Variants in KIAA1217 observed in about 807,000 individuals in gnomAD.
The protein encoded by KIAA1217 is KIAA1217.
Under a neutral mutation model 163.9 loss-of-function variants are expected in KIAA1217, and 88 were observed. The observed-to-expected ratio is 0.54, with a 90% CI of 0.45 to 0.64. The LOEUF (loss-of-function observed/expected upper bound fraction) is 0.64, where lower values mean the gene tolerates loss of function less well. Among genes scored for constraint, KIAA1217 ranks in the 30% least tolerant of loss-of-function variants. The pLI is 0.00. For synonymous variants in KIAA1217, 903 were observed against 923.1 expected (o/e 0.98, Z 0.39); for missense variants, 2,372 against 2,475.0 (o/e 0.96, Z 0.88).
chr10:24,442,076 A>G (rs1417298615), intron 5 of KIAA1217, among the ~76,000 whole-genome samples: 2 of 151,852 alleles, frequency 1.3e-5, no homozygotes, highest in African/African-American at 4.8e-5. Context: ...TTTCTCTTGC[A>G]TGTCTTTGAT....
chr10:24,179,049 G>T (rs201729396), intron 2 of KIAA1217, among the ~76,000 whole-genome samples: 1 of 152,126 alleles, frequency 6.6e-6, no homozygotes, highest in Non-Finnish European at 1.5e-5. Flanking sequence ...TTAAACTGAC[G>T]AAGGATAATT....
chr10:24,093,542 C>T (rs2062023157), intron 2 of KIAA1217, among the ~76,000 whole-genome samples: 1 of 151,564 alleles, frequency 6.6e-6, no homozygotes, highest in Admixed American at 6.6e-5. Context: ...AGACTGCTGC[C>T]ATCCTCTCAC....
intron 1 of KIAA1217, among the ~76,000 whole-genome samples, chr10:23,831,942 T>G (rs1172935126): frequency 6.6e-6 from 1 of 152,172 alleles, no homozygotes; most frequent in Non-Finnish European, 1.5e-5. Flanking sequence ...TCTACCCTCA[T>G]GCACCACTCA....
chr10:24,048,856 C>G (rs1849262776), intron 2 of KIAA1217, among the ~76,000 whole-genome samples: 2 of 151,700 alleles, frequency 1.3e-5, no homozygotes, highest in South Asian at 4.2e-4. Context: ...CATGGTGAAA[C>G]CCCATCTCTA....
chr10:23,943,130 T>TA (rs1214235312), intron 1 of KIAA1217, among the ~76,000 whole-genome samples: 1 of 150,910 alleles, frequency 6.6e-6, no homozygotes, highest in South Asian at 2.1e-4. Context: ...TCTCAAAATT[T>TA]AAAAAAAAGA....
At chr10:23,887,075 C>A (rs1298008940) in intron 1 of KIAA1217, among the ~76,000 whole-genome samples, 9 of 151,726 alleles carry the variant, frequency 5.9e-5, no homozygotes, top group Non-Finnish European at 1.2e-4. Context: ...GTCAGGAATC[C>A]TAGATTTTAG....
At chr10:24,144,758 T>C (rs181931256) in intron 2 of KIAA1217, among the ~76,000 whole-genome samples, 380 of 152,326 alleles carry the variant, frequency 2.5e-3, no homozygotes, top group African/African-American at 8.6e-3. Flanking sequence ...CCTATGCTTC[T>C]GCTATTTTTA....
intron 2 of KIAA1217, among the ~76,000 whole-genome samples, chr10:24,097,573 C>CGAAAA (rs917022776): frequency 7.3e-5 from 11 of 150,520 alleles, no homozygotes; most frequent in African/African-American, 9.8e-5. Context: ...GAGAGGAAGG[C>CGAAAA]GAAAAGAAAA....
At chr10:24,215,782 G>A (rs982511797) in intron 1 of KIAA1217, among the ~76,000 whole-genome samples, 1 of 152,186 alleles carries the variant, frequency 6.6e-6, no homozygotes, top group Non-Finnish European at 1.5e-5. Flanking sequence ...GGAAAGTGGC[G>A]TTAGGTGGCT....
intron 2 of KIAA1217, among the ~76,000 whole-genome samples, chr10:24,106,110 G>C (rs2062617380): frequency 3.9e-5 from 6 of 152,316 alleles, no homozygotes; most frequent in Admixed American, 3.3e-4. Context: ...TGGTGGCAGT[G>C]TATGTGATAT....
intron 3 of KIAA1217, among the ~76,000 whole-genome samples, chr10:24,390,943 C>T (rs545327796): frequency 3.9e-5 from 6 of 152,100 alleles, no homozygotes; most frequent in Non-Finnish European, 7.4e-5. Context: ...TGTAAAAGAT[C>T]ATGTGGATTC....
rs191685296 is a variant in KIAA1217 at position 24,017,934 on chromosome 10, C to G, written c.-171+10560C>G. ...TTCATGGAGATAATTGCTTGCCTCA[C>G]TGTTTAGGGAGAGCACAAAAAAGAA... On this transcript the variant is annotated intron_variant, in intron 2 of 18. Transcript: ENST00000376462. Among the ~76,000 whole-genome samples the G allele has an allele frequency of 4.4e-4, 67 of 152,226 alleles. 1 individual carries two copies. The highest frequency in any genetic ancestry group is 1.5e-3 in the African/African-American group (63 of 41,556).
intron 2 of KIAA1217, among the ~76,000 whole-genome samples, chr10:24,165,823 G>A (rs1366481781): frequency 6.6e-6 from 1 of 152,110 alleles, no homozygotes; most frequent in Non-Finnish European, 1.5e-5. Context: ...CTCCTAACTA[G>A]AGCAGAAAAA....
intron 5 of KIAA1217, among the ~76,000 whole-genome samples, chr10:24,465,954 G>C (rs977645850): frequency 3.9e-5 from 6 of 152,144 alleles, no homozygotes; most frequent in Admixed American, 2.0e-4. Flanking sequence ...GTATTTTCCA[G>C]GGTGATTGCA....
chr10:24,209,117 A>T (rs1299901424), upstream of KIAA1217: 2 of 1,337,572 alleles, frequency 1.5e-6, no homozygotes, highest in Non-Finnish European at 2.1e-6. Flanking sequence ...GCCCCCTCCC[A>T]GGCGCTTTCT....
intron 1 of KIAA1217, among the ~76,000 whole-genome samples, chr10:23,935,362 A>C (rs1843481840): frequency 6.6e-6 from 1 of 152,250 alleles, no homozygotes; most frequent in Admixed American, 6.5e-5. Context: ...TCACTGCGAG[A>C]AAAACACATC....
chr10:24,438,620 T>C (rs1412427004), intron 5 of KIAA1217, 141 bp downstream of exon 5: 1 of 593,854 alleles, frequency 1.7e-6, no homozygotes, highest in Non-Finnish European at 3.0e-6. Context: ...GGATCATTAT[T>C]TGTTCTTGGT....
At chr10:23,821,108 T>C (rs904659476) in intron 1 of KIAA1217, among the ~76,000 whole-genome samples, 4 of 83,450 alleles carry the variant, frequency 4.8e-5, no homozygotes, top group East Asian at 2.8e-4. Flanking sequence ...TGTGTGCGTG[T>C]GTGTGTGTGT....
rs139650286 is a variant in KIAA1217, at chr10:24,169,216, G to T, written c.-170-50410G>T. ...GGAGCATTAAAGCTCAGAACTTTAAGGATGCCAGTAAATGTACCATTGCTT... is the reference window on the plus strand; with the variant it reads ...GGAGCATTAAAGCTCAGAACTTTAATGATGCCAGTAAATGTACCATTGCTT... On this transcript the variant is annotated intron_variant, in intron 2 of 18. Coordinates refer to the KIAA1217 transcript ENST00000376462. Among the ~76,000 whole-genome samples the T allele has an allele frequency of 3.3e-5, 5 of 152,314 alleles. No individual in the cohort carries two copies. The East Asian group carries it at 9.6e-4, about 29-fold the overall frequency.
Sources: gnomAD v4.1 joint callset for allele counts (sites outside exome capture counted in the v4.1 genomes callset) on GRCh38, gnomAD v4.1.1 for gene constraint, MANE v1.5 for transcripts, NCBI Gene and HGNC (gene_info 2026-07-23, HGNC 2026-07-21) for gene names.